Variants in LRP1B observed in about 807,000 individuals in gnomAD.
LRP1B encodes the protein LDL receptor related protein 1B.
In LRP1B, 217 loss-of-function variants were observed where a neutral mutation model predicts 556.6. That is an observed-to-expected ratio of 0.39 (90% CI 0.35 to 0.44). The LOEUF (loss-of-function observed/expected upper bound fraction) is 0.44. Among genes scored for constraint, LRP1B ranks in the 20% least tolerant of loss-of-function variants. LRP1B has a pLI of 1.00. For missense variants in LRP1B, 5,053 were observed against 5,620.8 expected (o/e 0.90, Z 3.23); for synonymous variants, 2,047 against 1,865.8 (o/e 1.10, Z -2.50).
intron 41 of LRP1B, among the ~76,000 whole-genome samples, chr2:140,658,719 C>G (rs941455030): frequency 4.0e-5 from 6 of 151,582 alleles, no homozygotes; most frequent in African/African-American, 1.5e-4. Flanking sequence ...ATTTTCTGTC[C>G]AAGGTGGAAC....
At chr2:141,298,811 C>T (rs895698150) in intron 3 of LRP1B, among the ~76,000 whole-genome samples, 1 of 151,666 alleles carries the variant, frequency 6.6e-6, no homozygotes, top group African/African-American at 2.4e-5. Context: ...AAAAATTATC[C>T]AGGTGTGGTG....
intron 89 of LRP1B, among the ~76,000 whole-genome samples, chr2:140,235,412 C>T (rs574993243): frequency 4.0e-5 from 6 of 151,266 alleles, no homozygotes; most frequent in South Asian, 4.2e-4. Context: ...ATATATCAAA[C>T]GCTTGTAACA....
intron 1 of LRP1B, among the ~76,000 whole-genome samples, chr2:142,002,412 G>GTTT (rs1702681362): frequency 6.6e-6 from 1 of 151,722 alleles, no homozygotes; most frequent in African/African-American, 2.4e-5. Context: ...AAATGGGTAG[G>GTTT]GACACATCTC....
At chr2:141,219,731 C>G (rs1172083771) in intron 6 of LRP1B, among the ~76,000 whole-genome samples, 1 of 152,098 alleles carries the variant, frequency 6.6e-6, no homozygotes, top group Non-Finnish European at 1.5e-5. Flanking sequence ...GAGGAAGGAA[C>G]AGGAAGCCAT....
At chr2:141,422,103 T>C (rs1338731288) in intron 3 of LRP1B, among the ~76,000 whole-genome samples, 2 of 152,194 alleles carry the variant, frequency 1.3e-5, no homozygotes, top group Admixed American at 6.5e-5. Flanking sequence ...AATCTTACTG[T>C]GACTCAGTGA....
intron 41 of LRP1B, among the ~76,000 whole-genome samples, chr2:140,659,098 GTTTTTTTTT>G (rs59651364): frequency 0.014 from 873 of 61,154 alleles, 6 homozygotes; most frequent in Non-Finnish European, 0.02. Context: ...CTGTAAATCT[GTTTTTTTTT>G]TTTTTTTTTT....
chr2:140,399,527 A>G (rs2105225537), intron 66 of LRP1B, among the ~76,000 whole-genome samples: 1 of 152,284 alleles, frequency 6.6e-6, no homozygotes, highest in African/African-American at 2.4e-5. Context: ...ACAGCTTAAA[A>G]TGCTTAGAAA....
intron 35 of LRP1B, among the ~76,000 whole-genome samples, chr2:140,727,042 T>G (rs62174222): frequency 0.011 from 1,744 of 152,278 alleles, 22 homozygotes; most frequent in Non-Finnish European, 0.019. Context: ...AATGTTAAAA[T>G]CTTGGCTGCT....
intron 43 of LRP1B, among the ~76,000 whole-genome samples, chr2:140,543,242 C>A (rs1246182920): frequency 1.3e-5 from 2 of 151,916 alleles, no homozygotes; most frequent in African/African-American, 4.8e-5. Flanking sequence ...AAATCAATGA[C>A]TTTTGCTTTC....
intron 3 of LRP1B, among the ~76,000 whole-genome samples, chr2:141,298,927 C>T (rs1195142317): frequency 6.8e-6 from 1 of 147,212 alleles, no homozygotes; most frequent in Non-Finnish European, 1.5e-5. Flanking sequence ...CCACTCCAGC[C>T]TGGGTGACAA....
At chr2:141,233,896 T>C (rs1197432170) in intron 5 of LRP1B, among the ~76,000 whole-genome samples, 2 of 152,022 alleles carry the variant, frequency 1.3e-5, no homozygotes, top group Non-Finnish European at 2.9e-5. Flanking sequence ...ATCATCTAGT[T>C]GTTCTATATT....
At chr2:140,410,216 T>C (rs552194078) in intron 66 of LRP1B, among the ~76,000 whole-genome samples, 1 of 152,212 alleles carries the variant, frequency 6.6e-6, no homozygotes, top group South Asian at 2.1e-4. Context: ...CCTTCTCTCT[T>C]TTTTTAATCA....
At chr2:141,239,588 T>C (rs1475476996) in intron 5 of LRP1B, among the ~76,000 whole-genome samples, 2 of 152,224 alleles carry the variant, frequency 1.3e-5, no homozygotes, top group South Asian at 4.1e-4. Context: ...AGATAGGATC[T>C]GTATATATTT....
chr2:140,541,995 T>C, intron 43 of LRP1B, 24 bp from the exon 44 acceptor site: 1 of 1,542,850 alleles, frequency 6.5e-7, no homozygotes, highest in Non-Finnish European at 8.9e-7. Context: ...AAATACTGTA[T>C]TTTTATGATG....
At chr2:141,171,581 C>T (rs1302467500) in intron 7 of LRP1B, among the ~76,000 whole-genome samples, 2 of 152,034 alleles carry the variant, frequency 1.3e-5, no homozygotes, top group Non-Finnish European at 2.9e-5. Context: ...ACACAGTCTT[C>T]TGGATGAATG....
At chr2:141,744,752 C>A (rs1376731438) in intron 2 of LRP1B, among the ~76,000 whole-genome samples, 1 of 152,128 alleles carries the variant, frequency 6.6e-6, no homozygotes, top group South Asian at 2.1e-4. Flanking sequence ...GATGCTTGTG[C>A]ATGTTCATTG....
chr2:141,925,652 C>A (rs1700315549), intron 1 of LRP1B, among the ~76,000 whole-genome samples: 1 of 152,136 alleles, frequency 6.6e-6, no homozygotes, highest in African/African-American at 2.4e-5. Context: ...AGCCTGGGGT[C>A]AGGAAGTTCT....
At chr2:142,071,055 T>C (rs1229225889) in intron 1 of LRP1B, among the ~76,000 whole-genome samples, 1 of 151,884 alleles carries the variant, frequency 6.6e-6, no homozygotes, top group East Asian at 1.9e-4. Context: ...AACTCAGGTT[T>C]TTGCCATCTG....
At chr2:140,816,327 A>G (rs1277045730) in intron 31 of LRP1B, among the ~76,000 whole-genome samples, 1 of 151,960 alleles carries the variant, frequency 6.6e-6, no homozygotes, top group Non-Finnish European at 1.5e-5. Context: ...CATGTTGGCC[A>G]GGATGGTCTC....
Sources: allele counts gnomAD v4.1 joint callset (sites outside exome capture counted in the v4.1 genomes callset), GRCh38; gene constraint gnomAD v4.1.1; transcripts MANE v1.5; gene names NCBI Gene and HGNC (gene_info 2026-07-23, HGNC 2026-07-21).